The following FAM89A variants were observed in gnomAD, a reference collection of about 807,000 sequenced individuals.
FAM89A encodes the protein protein FAM89A.
Under a neutral mutation model 7.1 loss-of-function variants are expected in FAM89A, and 10 were observed. The observed-to-expected ratio is 1.40, with a 90% CI of 0.86 to 2.38. The LOEUF is 2.38. Among genes scored for constraint, FAM89A ranks in the 30% most tolerant of loss-of-function variants. The pLI is 0.00. For synonymous variants in FAM89A, 157 were observed against 129.3 expected (o/e 1.21, Z -1.45); for missense variants, 276 against 262.8 (o/e 1.05, Z -0.35).
rs369598283 is a variant in FAM89A at position 231,032,437 on chromosome 1, C to T, written c.291+7484G>A. Among the ~76,000 whole-genome samples the T allele has an allele frequency of 1.8e-3, 248 of 139,550 alleles. 2 individuals carry two copies. Among genetic ancestry groups the T allele is most frequent in the Middle Eastern group, 0.015 (4 of 266 alleles). The allele number at this position is 139,550 out of a possible 152,430, so 91.6% of individuals were successfully genotyped here. ...CATGAGAAGGTTTACTTCTCCAAAC[C>T]CTCACTGTGACAGGATCATGCTTTT... On this transcript the variant is annotated intron_variant, in intron 1 of 1. Coordinates refer to ENST00000366654, the MANE Select transcript of FAM89A (RefSeq NM_198552.3).
intron 1 of FAM89A, among the ~76,000 whole-genome samples, chr1:231,030,699 T>C (rs1680052532): frequency 6.6e-6 from 1 of 152,228 alleles, no homozygotes; most frequent in Non-Finnish European, 1.5e-5. Flanking sequence ...AATAGCAGAC[T>C]TCAAATGTTT....
At chr1:231,031,621 C>T (rs1279629905) in intron 1 of FAM89A, among the ~76,000 whole-genome samples, 2 of 152,184 alleles carry the variant, frequency 1.3e-5, no homozygotes, top group Non-Finnish European at 2.9e-5. Context: ...TAGAGGTCCC[C>T]AGACCACACT....
intron 1 of FAM89A, among the ~76,000 whole-genome samples, chr1:231,032,215 T>C (rs1158310522): frequency 6.6e-6 from 1 of 152,208 alleles, no homozygotes; most frequent in Non-Finnish European, 1.5e-5. Context: ...TATTTTAAAA[T>C]TATATTGCAA....
chr1:231,021,926 G>A (rs1309785281), intron 1 of FAM89A: 18 of 1,493,786 alleles, frequency 1.2e-5, no homozygotes, highest in South Asian at 3.4e-5. Flanking sequence ...GGACAGAGAC[G>A]TGTATGTGAC....
intron 1 of FAM89A, among the ~76,000 whole-genome samples, chr1:231,023,841 A>C (rs995097500): frequency 1.3e-5 from 2 of 152,196 alleles, no homozygotes; most frequent in African/African-American, 4.8e-5. Context: ...CATCACGGGA[A>C]TGTCACAATG....
At chr1:231,020,499 C>T (rs776804107) in intron 1 of FAM89A, among the ~76,000 whole-genome samples, 5 of 152,270 alleles carry the variant, frequency 3.3e-5, no homozygotes, top group African/African-American at 7.2e-5. Context: ...CAATCAGACT[C>T]GGAGAAGACC....
Position 231,024,914 on chromosome 1 carries a change from CTTTTTTT to C in FAM89A, c.292-4795_292-4789del, listed in dbSNP as rs60500715. Among the ~76,000 whole-genome samples, 27 of 63,418 alleles carry C rather than the reference CTTTTTTT, an allele frequency of 4.3e-4. No homozygotes were observed. In the South Asian group the frequency reaches 0.012, roughly 29 times the overall value. 41.6% of individuals were successfully genotyped at this position (63,418 alleles called of 152,430 possible). On this transcript the variant is annotated intron_variant, in intron 1 of 1. Transcript: ENST00000366654. The stretch of plus-strand genomic sequence containing the variant: ...GGGTTCTGTTGCTACCACAACTACT[CTTTTTTT>C]TTTTTTTTTTTTTTTTTTTGAGACA...
At chr1:231,021,278 C>A (rs1572352980) in intron 1 of FAM89A, among the ~76,000 whole-genome samples, 1 of 152,256 alleles carries the variant, frequency 6.6e-6, no homozygotes, top group South Asian at 2.1e-4. Context: ...ACAATAATTT[C>A]TCTTATGGAG....
chr1:231,040,134 C>A lies in FAM89A; in HGVS notation c.78G>T (p.Pro26=). The A allele has an allele frequency of 7.4e-7, 1 of 1,350,816 alleles. No individual in the cohort carries two copies. The highest frequency in any genetic ancestry group is 9.6e-7 in the Non-Finnish European group (1 of 1,044,774). 83.7% of individuals were successfully genotyped at this position (1,350,816 alleles called of 1,614,324 possible). ...VRGLRVDGLP[P]LPKSLSGLLH... is the part of the protein sequence containing the mutation. Reference sequence around the variant, plus strand: ...GCAGCCCGCTCAAGCTCTTTGGCAGCGGGGGCAGCCCGTCCACCCGCAGCC... The same window carrying A: ...GCAGCCCGCTCAAGCTCTTTGGCAGAGGGGGCAGCCCGTCCACCCGCAGCC... Residue 26 remains proline (P), a synonymous_variant, in exon 1 of 2, where the codon CCG becomes CCT. Transcript: ENST00000366654.
chr1:231,039,782 A>G, intron 1 of FAM89A, 139 bp downstream of exon 1: 3 of 852,576 alleles, frequency 3.5e-6, no homozygotes, highest in Non-Finnish European at 4.7e-6. Context: ...CGTTGGGAGG[A>G]CGGCGCCGGC....
rs1434877497 is a variant in FAM89A at position 231,040,050 on chromosome 1, G to A, written c.162C>T (p.Tyr54=). 1 of 1,447,100 alleles carries A rather than the reference G, an allele frequency of 6.9e-7. No individual in the cohort carries two copies. Among genetic ancestry groups the A allele is most frequent in the Non-Finnish European group, 9.1e-7 (1 of 1,102,832 alleles). The allele number at this position is 1,447,100 out of a possible 1,614,324, so 89.6% of individuals were successfully genotyped here. ...CGTCCTGGATGCGCGACTTCTGCGC[G>A]TACAGCCGCTCCAGGTGCCGCCAGC... ...SGGWRHLERL[Y]AQKSRIQDEL... The change falls in exon 1 of 2, where the codon TAC becomes TAT. Residue 54 remains tyrosine, a synonymous_variant. Transcript: ENST00000366654.
intron 1 of FAM89A, among the ~76,000 whole-genome samples, chr1:231,039,007 T>C (rs572715318): frequency 9.2e-5 from 14 of 151,926 alleles, no homozygotes; most frequent in Non-Finnish European, 2.1e-4. Context: ...TGGGAGGAGG[T>C]GATGGGGGCC....
At chr1:231,024,975 T>G (rs1174051779) in intron 1 of FAM89A, among the ~76,000 whole-genome samples, 3 of 132,520 alleles carry the variant, frequency 2.3e-5, no homozygotes, top group African/African-American at 8.7e-5. Flanking sequence ...CAGGCTGGAG[T>G]GTAGTGGTGT....
chr1:231,024,519 T>TACACACACACAC (rs1558254461), intron 1 of FAM89A, among the ~76,000 whole-genome samples: 193 of 41,636 alleles, frequency 4.6e-3, no homozygotes, highest in African/African-American at 0.012. Context: ...TTACATTGCA[T>TACACACACACAC]GCACACACAC....
chr1:231,023,529 G>C (rs1337106042), intron 1 of FAM89A, among the ~76,000 whole-genome samples: 1 of 152,164 alleles, frequency 6.6e-6, no homozygotes, highest in Non-Finnish European at 1.5e-5. Context: ...GGTGGGAAAG[G>C]GGCCACTTCT....
Position 231,039,960 on chromosome 1 carries a change from G to A in FAM89A, c.252C>T (p.Pro84=). The part of the protein sequence containing the change: ...ARAAALPAKP[P]NLDAALALLR... ...GCAGCGCCAGAGCGGCGTCCAGGTT[G>A]GGAGGCTTGGCGGGCAGCGCTGCCG... The change falls in exon 1 of 2, where the codon CCC becomes CCT. Residue 84 remains proline, a synonymous_variant. Transcript: ENST00000366654. The A allele has an allele frequency of 1.5e-6, 2 of 1,367,270 alleles. No homozygotes were observed. Among genetic ancestry groups the A allele is most frequent in the Non-Finnish European group, 1.9e-6 (2 of 1,067,896 alleles). The allele number at this position is 1,367,270 out of a possible 1,614,324, so 84.7% of individuals were successfully genotyped here. A position where few individuals can be genotyped will look rare whatever the true frequency, so the allele number is the denominator to read the frequency against.
intron 1 of FAM89A, chr1:231,021,985 G>A: frequency 7.6e-7 from 1 of 1,323,708 alleles, no homozygotes; most frequent in East Asian, 2.3e-5. Flanking sequence ...TAGGCCTCAG[G>A]CCCTCGGGTA....
At chr1:231,036,183 A>C (rs1300206648) in intron 1 of FAM89A, among the ~76,000 whole-genome samples, 2 of 152,210 alleles carry the variant, frequency 1.3e-5, no homozygotes, top group African/African-American at 4.8e-5. Flanking sequence ...CTTTTGAAAA[A>C]GCTAGTTCAA....
chr1:231,019,647 C>G lies in FAM89A; in HGVS notation c.*216G>C. 1.7e-6 allele frequency: 1 copy of G among 572,950 alleles called. No individual in the cohort carries two copies. The highest frequency in any genetic ancestry group is 2.9e-5 in the East Asian group (1 of 33,900). 35.5% of individuals were successfully genotyped at this position (572,950 alleles called of 1,614,324 possible). A position where few individuals can be genotyped will look rare whatever the true frequency, so the allele number is the denominator to read the frequency against. On this transcript the variant is annotated 3_prime_UTR_variant, in exon 2 of 2. Coordinates refer to ENST00000366654, the MANE Select transcript of FAM89A (RefSeq NM_198552.3). ...AGGTGTGGAGGATACTGCTGAGGACCTCTAGGTCACCTAAGCAGAAACTGC... is the reference window on the plus strand; with the variant it reads ...AGGTGTGGAGGATACTGCTGAGGACGTCTAGGTCACCTAAGCAGAAACTGC...
Sources: gnomAD v4.1 joint callset for allele counts (sites outside exome capture counted in the v4.1 genomes callset) on GRCh38, gnomAD v4.1.1 for gene constraint, MANE v1.5 for transcripts, NCBI Gene and HGNC (gene_info 2026-07-23, HGNC 2026-07-21) for gene names.